Variants in SCO1 observed in about 807,000 individuals in gnomAD.
SCO1 encodes cytochrome c oxidase assembly factor SCO1.
Under a neutral mutation model 34.0 loss-of-function variants are expected in SCO1, and 23 were observed. The observed-to-expected ratio is 0.68, with a 90% CI of 0.49 to 0.96. The LOEUF (loss-of-function observed/expected upper bound fraction) is 0.96. SCO1 is among the 40% of genes least tolerant of loss of function. The probability of loss-of-function intolerance (pLI) is 0.00; values close to 1 mark genes in which losing one functional copy is unlikely to be tolerated. For synonymous variants in SCO1, 161 were observed against 145.5 expected (o/e 1.11, Z -0.77); for missense variants, 404 against 381.6 (o/e 1.06, Z -0.49).
Position 10,674,756 on chromosome 17 carries a change from G to C in SCO1, c.*6363C>G, listed in dbSNP as rs1022195063. 6.6e-6 allele frequency: 1 copy of C among 152,348 alleles called. No homozygotes were observed. The highest frequency in any genetic ancestry group is 2.4e-5 in the African/African-American group (1 of 41,436). The allele number at this position is 152,348 out of a possible 1,614,324, so 9.4% of individuals were successfully genotyped here. A position where few individuals can be genotyped will look rare whatever the true frequency, so the allele number is the denominator to read the frequency against. On this transcript the variant is annotated 3_prime_UTR_variant, in exon 6 of 6. Transcript: ENST00000255390. ...TTGGTATGACCTCTTGAGACCAGGA[G>C]GCTCTCACAGGCATCTACAGAGCTC...
In SCO1 at chr17:10,695,797, G is replaced by A. The variant is rs1451922661; in HGVS notation, c.308C>T (p.Ala103Val). ...TCCAGCCAGTAAAGCTCCTCCAATA[G>A]CAAATGTGATTGCTAAAGACTTCCA... is the stretch of plus-strand genomic sequence containing the variant. ...VSWKSLAITF[A>V]IGGALLAGMK... Residue 103 changes from alanine to valine, a missense_variant, in exon 2 of 6, where the codon GCT becomes GTT. By Grantham distance (64) the Ala-to-Val change is moderately conservative (BLOSUM62 0). Transcript: ENST00000255390. 2 of 1,613,470 alleles carry A rather than the reference G, an allele frequency of 1.2e-6. No homozygotes were observed. The highest frequency in any genetic ancestry group is 1.7e-6 in the Non-Finnish European group (2 of 1,179,840).
intron 5 of SCO1, among the ~76,000 whole-genome samples, chr17:10,685,253 G>A (rs2074648396): frequency 6.6e-6 from 1 of 152,158 alleles, no homozygotes; most frequent in South Asian, 2.1e-4. Flanking sequence ...TACAAAGACA[G>A]CTTCACAGCT....
chr17:10,679,568 C>T lies in SCO1; in HGVS notation c.*1551G>A, dbSNP rs2074607317. On this transcript the variant is annotated 3_prime_UTR_variant, in exon 6 of 6. Coordinates refer to ENST00000255390, the MANE Select transcript of SCO1 (RefSeq NM_004589.4). ...TATCTAGGCATTATATTTGTTGCATCTTAGGATTTACTGAAAAACTTTTGG... is the reference window on the plus strand; with the variant it reads ...TATCTAGGCATTATATTTGTTGCATTTTAGGATTTACTGAAAAACTTTTGG... 1 of 152,168 alleles carries T rather than the reference C, an allele frequency of 6.6e-6. No individual in the cohort carries two copies. The highest frequency in any genetic ancestry group is 6.5e-5 in the Admixed American group (1 of 15,276). 9.4% of individuals were successfully genotyped at this position (152,168 alleles called of 1,614,324 possible).
rs1479729773 is a variant in SCO1 at position 10,697,326 on chromosome 17, C to A, written c.182G>T (p.Cys61Phe). ...AGTGCTGAGGGGCCGGGTTCCCAGG[C>A]AATAGCCAGGGCGCCCCGAGGCACG... ...AWRASGRPGY[C>F]LGTRPLSTAR... The change falls in exon 1 of 6, where the codon TGC (cysteine) becomes TTC (phenylalanine). Residue 61 changes from cysteine (C) to phenylalanine (F), a missense_variant. Coordinates refer to ENST00000255390, the MANE Select transcript of SCO1 (RefSeq NM_004589.4). 3 of 1,570,178 alleles carry A rather than the reference C, an allele frequency of 1.9e-6. No homozygotes were observed. The highest frequency in any genetic ancestry group is 1.9e-5 in the Admixed American group (1 of 53,652).
Position 10,676,532 on chromosome 17 carries a change from A to T in SCO1, c.*4587T>A, listed in dbSNP as rs1268580910. The T allele has an allele frequency of 6.6e-6, 1 of 152,210 alleles. No homozygotes were observed. Among genetic ancestry groups the T allele is most frequent in the Non-Finnish European group, 1.5e-5 (1 of 68,024 alleles). The allele number at this position is 152,210 out of a possible 1,614,324, so 9.4% of individuals were successfully genotyped here. A position where few individuals can be genotyped will look rare whatever the true frequency, so the allele number is the denominator to read the frequency against. ...AAGCTTGCTGATGGGTACATCAATTAGTTAACTATTCTACTTTTTGAATAA... is the reference window on the plus strand; with the variant it reads ...AAGCTTGCTGATGGGTACATCAATTTGTTAACTATTCTACTTTTTGAATAA... On this transcript the variant is annotated 3_prime_UTR_variant, in exon 6 of 6. Transcript: ENST00000255390.
chr17:10,688,887 C>T (rs1053349940), intron 4 of SCO1, among the ~76,000 whole-genome samples: 13 of 150,542 alleles, frequency 8.6e-5, no homozygotes, highest in Non-Finnish European at 1.3e-4. Flanking sequence ...GAGGCCGAGG[C>T]GGGCGGATCA....
At position 10,675,091 on chromosome 17, in the gene SCO1, A is replaced by T. The variant is rs1333359045; in HGVS notation, c.*6028T>A. On this transcript the variant is annotated 3_prime_UTR_variant, in exon 6 of 6. Transcript: ENST00000255390. ...CTGAGCAAACTTCTTTGCCTCTCAA[A>T]GCTGTGGCAACTTTAGGTCCGTCCT... 6.6e-6 allele frequency: 1 copy of T among 152,194 alleles called. No individual in the cohort carries two copies. The highest frequency in any genetic ancestry group is 1.5e-5 in the Non-Finnish European group (1 of 68,080). The allele number at this position is 152,194 out of a possible 1,614,324, so 9.4% of individuals were successfully genotyped here. A position where few individuals can be genotyped will look rare whatever the true frequency, so the allele number is the denominator to read the frequency against.
Position 10,696,252 on chromosome 17 carries a change from A to C in SCO1, c.274-421T>G, listed in dbSNP as rs2074724978. 2.0e-5 allele frequency among the ~76,000 whole-genome samples: 3 copies of C among 151,932 alleles called. No individual in the cohort carries two copies. The South Asian group carries it at 6.2e-4, about 32-fold the overall frequency. ...CTGAGGTCGGGAGTTTGAGACCAGC[A>C]TGGCCAACATGGTGAAACCCCATCT... On this transcript the variant is annotated intron_variant, in intron 1 of 5. Transcript: ENST00000255390.
chr17:10,686,689 G>C, intron 5 of SCO1, 38 bp downstream of exon 5: 1 of 1,233,780 alleles, frequency 8.1e-7, no homozygotes, highest in Non-Finnish European at 1.2e-6. Flanking sequence ...TGGGATCTGG[G>C]AGCTGGTCCA....
rs147487151 is a variant in SCO1, at chr17:10,697,503, G to T, written c.5C>A (p.Ala2Glu). The T allele has an allele frequency of 5.7e-4, 920 of 1,613,314 alleles. No homozygotes were observed. Among genetic ancestry groups the T allele is most frequent in the Non-Finnish European group, 7.0e-4 (821 of 1,179,908 alleles). ...TCGTCCGGGTACTAGGACCAGCATC[G>T]CCATGAGCCTCGGAGACCGGGTCTC... The part of the protein sequence containing the change: M[A>E]MLVLVPGRVM... The change falls in exon 1 of 6, where the codon GCG becomes GAG. Residue 2 changes from alanine (A) to glutamate (E), a missense_variant. Physicochemically the swap from Ala to Glu is moderately radical, Grantham distance 107. Coordinates refer to ENST00000255390, the MANE Select transcript of SCO1 (RefSeq NM_004589.4).
At chr17:10,693,512 T>G (rs2151457383) in intron 2 of SCO1, among the ~76,000 whole-genome samples, 1 of 152,324 alleles carries the variant, frequency 6.6e-6, no homozygotes, top group East Asian at 1.9e-4. Flanking sequence ...GCAAATACAC[T>G]GCAGGTACTA....
At chr17:10,683,607 G>A (rs1226779003) in intron 5 of SCO1, among the ~76,000 whole-genome samples, 1 of 151,996 alleles carries the variant, frequency 6.6e-6, no homozygotes, top group African/African-American at 2.4e-5. Flanking sequence ...GCTGAGCCAA[G>A]AGAAAAATGT....
At chr17:10,683,830 C>G (rs1190809014) in intron 5 of SCO1, 1 of 152,030 alleles carries the variant, frequency 6.6e-6, no homozygotes, top group African/African-American at 2.4e-5. Context: ...AGAGTCCACT[C>G]AAAAGCCAGA....
At chr17:10,683,512 T>A (rs990099939) in intron 5 of SCO1, among the ~76,000 whole-genome samples, 1 of 152,122 alleles carries the variant, frequency 6.6e-6, no homozygotes, top group Non-Finnish European at 1.5e-5. Context: ...AATGCATGAG[T>A]GTGCCTGCTG....
chr17:10,697,351 G>A lies in SCO1; in HGVS notation c.157C>T (p.Arg53Cys). Residue 53 changes from arginine to cysteine, a missense_variant, in exon 1 of 6, where the codon CGT becomes TGT. By Grantham distance (180) the Arg-to-Cys change is radical. Coordinates refer to ENST00000255390, the MANE Select transcript of SCO1 (RefSeq NM_004589.4). Reference sequence around the variant, plus strand: ...CAATAGCCAGGGCGCCCCGAGGCACGCCACGCCTCCGCTTGCCGCGCGCAG... The same window carrying A: ...CAATAGCCAGGGCGCCCCGAGGCACACCACGCCTCCGCTTGCCGCGCGCAG... The part of the protein sequence containing the change: ...QFCARQAEAW[R>C]ASGRPGYCLG... 1 of 1,583,836 alleles carries A rather than the reference G, an allele frequency of 6.3e-7. No individual in the cohort carries two copies.
chr17:10,686,948 T>G (rs1225942956), intron 4 of SCO1, 106 bp from the exon 5 acceptor site: 2 of 741,640 alleles, frequency 2.7e-6, no homozygotes, highest in African/African-American at 3.5e-5. Context: ...GCCACTTTCT[T>G]CCTGTGAGTC....
Position 10,672,627 on chromosome 17 carries a change from C to T in SCO1, c.*8492G>A, listed in dbSNP as rs550668536. 1.8e-4 allele frequency: 27 copies of T among 152,326 alleles called. No homozygotes were observed. The highest frequency in any genetic ancestry group is 6.5e-4 in the African/African-American group (27 of 41,570). The allele number at this position is 152,326 out of a possible 1,614,324, so 9.4% of individuals were successfully genotyped here. On this transcript the variant is annotated 3_prime_UTR_variant, in exon 6 of 6. Transcript: ENST00000255390. ...CCACTTCCCCAAATCCCCTCCTGCC[C>T]CTGGCAATCATTTGCCACTGCAATA...
chr17:10,693,035 T>C (rs1013956635), intron 2 of SCO1, 74 bp from the exon 3 acceptor site: 8 of 1,247,578 alleles, frequency 6.4e-6, no homozygotes, highest in African/African-American at 5.9e-5. Flanking sequence ...ACCTGACATA[T>C]GGCCCGTACT....
chr17:10,682,199 CAAAG>C (rs992983374), intron 5 of SCO1, among the ~76,000 whole-genome samples: 23 of 152,302 alleles, frequency 1.5e-4, no homozygotes, highest in African/African-American at 4.3e-4. Context: ...TTTGGCAAGA[CAAAG>C]AAAGACAGGA....
Sources: allele counts gnomAD v4.1 joint callset (sites outside exome capture counted in the v4.1 genomes callset), GRCh38; gene constraint gnomAD v4.1.1; transcripts MANE v1.5; gene names NCBI Gene and HGNC (gene_info 2026-07-23, HGNC 2026-07-21).